Variants in ERBB4 observed in about 807,000 individuals in gnomAD.
ERBB4 encodes erb-b2 receptor tyrosine kinase 4, also known as receptor tyrosine-protein kinase erbB-4.
Under a neutral mutation model 158.0 loss-of-function variants are expected in ERBB4, and 42 were observed. The observed-to-expected ratio is 0.27, with a 90% CI of 0.21 to 0.34. The LOEUF (loss-of-function observed/expected upper bound fraction) is 0.34. ERBB4 is among the 10% of genes least tolerant of loss of function. The pLI is 1.00. For synonymous variants in ERBB4, 583 were observed against 558.7 expected, an observed-to-expected ratio of 1.04 and a Z score of -0.61; for missense variants, 1,333 against 1,624.1, an observed-to-expected ratio of 0.82 and a Z score of 3.08.
Position 211,947,475 on chromosome 2 carries a change from C to T in ERBB4, c.376G>A (p.Asp126Asn), listed in dbSNP as rs953144117. Residue 126 changes from aspartate (D) to asparagine (N), a missense_variant, in exon 3 of 28, where the codon GAT becomes AAT. Transcript: ENST00000342788. Reference protein sequence around the residue: ...ALAIFLNYRKDGNFGLQELGL... With the variant: ...ALAIFLNYRKNGNFGLQELGL... ...AGTTCTTGAAGTCCAAAGTTTCCAT[C>T]TTTTCTGTAGTTTAAAAATATTGCC... is the stretch of plus-strand genomic sequence containing the variant. 6.2e-7 allele frequency: 1 copy of T among 1,613,890 alleles called. No homozygotes were observed. The highest frequency in any genetic ancestry group is 8.5e-7 in the Non-Finnish European group (1 of 1,179,918).
intron 25 of ERBB4, among the ~76,000 whole-genome samples, chr2:211,403,767 C>A (rs916594868): frequency 6.6e-6 from 1 of 152,056 alleles, no homozygotes. Flanking sequence ...GGTTCTTCTG[C>A]CTTTTATTTT....
At chr2:211,997,597 T>G (rs1230571449) in intron 2 of ERBB4, among the ~76,000 whole-genome samples, 1 of 152,062 alleles carries the variant, frequency 6.6e-6, no homozygotes, top group Non-Finnish European at 1.5e-5. Flanking sequence ...TCATCAATAA[T>G]TTTCCCAATC....
intron 1 of ERBB4, among the ~76,000 whole-genome samples, chr2:212,427,528 G>A (rs778049514): frequency 7.9e-5 from 12 of 152,148 alleles, no homozygotes; most frequent in Admixed American, 1.3e-4. Flanking sequence ...TAAGTGTTTC[G>A]CACTGTATGA....
chr2:212,163,421 C>T (rs1200853787), intron 1 of ERBB4, among the ~76,000 whole-genome samples: 1 of 152,012 alleles, frequency 6.6e-6, no homozygotes, highest in African/African-American at 2.4e-5. Flanking sequence ...TGCTGCAAAG[C>T]CTAGAGCCAT....
At chr2:212,029,384 C>T (rs563140506) in intron 2 of ERBB4, among the ~76,000 whole-genome samples, 40 of 152,112 alleles carry the variant, frequency 2.6e-4, no homozygotes, top group African/African-American at 9.4e-4. Context: ...GCTTCCCTGC[C>T]CTGCATCAGT....
At chr2:212,421,375 A>AATT (rs1331524497) in intron 1 of ERBB4, among the ~76,000 whole-genome samples, 2 of 152,276 alleles carry the variant, frequency 1.3e-5, no homozygotes, top group African/African-American at 4.8e-5. Context: ...TTTCAGACTA[A>AATT]AGGCTCTTCA....
At chr2:212,375,194 C>T (rs1216645717) in intron 1 of ERBB4, among the ~76,000 whole-genome samples, 1 of 151,948 alleles carries the variant, frequency 6.6e-6, no homozygotes, top group Non-Finnish European at 1.5e-5. Context: ...ACAAGTCTTA[C>T]AGAAGTCTCA....
intron 20 of ERBB4, among the ~76,000 whole-genome samples, chr2:211,496,870 T>A (rs2065481707): frequency 6.6e-6 from 1 of 152,128 alleles, no homozygotes; most frequent in African/African-American, 2.4e-5. Context: ...TGTCAAGTAT[T>A]CTCAGTGATG....
At chr2:211,829,859 TATC>T (rs1276037689) in intron 3 of ERBB4, among the ~76,000 whole-genome samples, 1 of 152,194 alleles carries the variant, frequency 6.6e-6, no homozygotes, top group African/African-American at 2.4e-5. Context: ...ATGGATGACT[TATC>T]ATAAAAAATT....
At chr2:211,640,056 T>C (rs1292841013) in intron 16 of ERBB4, among the ~76,000 whole-genome samples, 1 of 152,134 alleles carries the variant, frequency 6.6e-6, no homozygotes, top group East Asian at 1.9e-4. Flanking sequence ...GCCTGGTTTG[T>C]TTGTTTGTTT....
intron 3 of ERBB4, among the ~76,000 whole-genome samples, chr2:211,875,778 G>A (rs1163953877): frequency 1.3e-5 from 2 of 152,128 alleles, no homozygotes; most frequent in Non-Finnish European, 1.5e-5. Context: ...TCCTACACAA[G>A]TGTAGCATTT....
chr2:211,563,384 C>T (rs1007742631), intron 19 of ERBB4, among the ~76,000 whole-genome samples: 2 of 152,082 alleles, frequency 1.3e-5, no homozygotes, highest in Non-Finnish European at 2.9e-5. Flanking sequence ...ATATCTGAAT[C>T]TAATCATGAG....
chr2:212,066,335 G>A (rs990514802), intron 2 of ERBB4, among the ~76,000 whole-genome samples: 1 of 151,842 alleles, frequency 6.6e-6, no homozygotes, highest in African/African-American at 2.4e-5. Flanking sequence ...AAATAAAATG[G>A]TTTTGTTTTA....
At chr2:211,785,719 G>T (rs1298176029) in intron 4 of ERBB4, among the ~76,000 whole-genome samples, 2 of 152,056 alleles carry the variant, frequency 1.3e-5, no homozygotes, top group East Asian at 2.0e-4. Flanking sequence ...GCTTGAAAAT[G>T]ATATTAGATA....
At chr2:211,417,486 A>AT (rs757702049) in intron 25 of ERBB4, among the ~76,000 whole-genome samples, 10 of 152,116 alleles carry the variant, frequency 6.6e-5, no homozygotes, top group Non-Finnish European at 1.0e-4. Context: ...AAAAGAAAAA[A>AT]TTTTAAGGTA....
intron 20 of ERBB4, among the ~76,000 whole-genome samples, chr2:211,530,521 A>G (rs1240118798): frequency 4.6e-5 from 7 of 152,164 alleles, no homozygotes; most frequent in Non-Finnish European, 1.0e-4. Flanking sequence ...ATGGAACCAT[A>G]AAAGACCCAG....
At chr2:212,276,349 C>T (rs1033845644) in intron 1 of ERBB4, among the ~76,000 whole-genome samples, 2 of 151,710 alleles carry the variant, frequency 1.3e-5, no homozygotes, top group African/African-American at 4.8e-5. Flanking sequence ...TCTAAACAAA[C>T]CATCAGATTT....
chr2:211,434,563 T>C (rs975019743), intron 20 of ERBB4, among the ~76,000 whole-genome samples: 2 of 152,170 alleles, frequency 1.3e-5, no homozygotes, highest in Admixed American at 6.5e-5. Context: ...TATTTTGTTA[T>C]AGCAGTCTGC....
At chr2:211,863,415 G>C (rs1442530445) in intron 3 of ERBB4, among the ~76,000 whole-genome samples, 1 of 152,182 alleles carries the variant, frequency 6.6e-6, no homozygotes, top group Non-Finnish European at 1.5e-5. Context: ...TGGAAGCTTT[G>C]TTCTTCTGCT....
Sources: allele counts gnomAD v4.1 joint callset (sites outside exome capture counted in the v4.1 genomes callset), GRCh38; gene constraint gnomAD v4.1.1; transcripts MANE v1.5; gene names NCBI Gene and HGNC (gene_info 2026-07-23, HGNC 2026-07-21).